KITLG: variants seen among roughly 807,000 people sequenced by gnomAD.
KITLG encodes KIT ligand.
KITLG carries 13 observed loss-of-function variants against 34.1 expected under a neutral mutation model. That is an observed-to-expected ratio of 0.38 (90% CI 0.25 to 0.61). The LOEUF (loss-of-function observed/expected upper bound fraction) is 0.61. KITLG is among the 20% of genes least tolerant of loss of function. The pLI is 0.60. For synonymous variants in KITLG, 110 were observed against 104.0 expected (o/e 1.06, Z -0.35); for missense variants, 292 against 318.9 (o/e 0.92, Z 0.64).
rs1592591287 is a variant in KITLG at position 88,574,298 on chromosome 12, A to G, written c.15+5966T>C. 2.6e-5 allele frequency among the ~76,000 whole-genome samples: 4 copies of G among 151,940 alleles called. No homozygotes were observed. The South Asian group carries it at 8.6e-4, about 33-fold the overall frequency. Reference sequence around the variant, plus strand: ...GCTTCTGACTGCTAAAAGAAAAAAAAAAAAAGAAAAAAAGAAAAGGGCTAC... The same window carrying G: ...GCTTCTGACTGCTAAAAGAAAAAAAGAAAAAGAAAAAAAGAAAAGGGCTAC... On this transcript the variant is annotated intron_variant, in intron 1 of 9. Coordinates refer to ENST00000644744, the MANE Select transcript of KITLG (RefSeq NM_000899.5).
At position 88,496,708 on chromosome 12, in the gene KITLG, C is replaced by G. The variant is rs1426630863; in HGVS notation, c.*511G>C. ...AGTTCCCACTGCTTTCTACACTGTA[C>G]AGTGGCTGACACTACTGAGTTTTAA... On this transcript the variant is annotated 3_prime_UTR_variant, in exon 10 of 10. Coordinates refer to ENST00000644744, the MANE Select transcript of KITLG (RefSeq NM_000899.5). 1 of 153,388 alleles carries G rather than the reference C, an allele frequency of 6.5e-6. No individual in the cohort carries two copies. The highest frequency in any genetic ancestry group is 2.4e-5 in the African/African-American group (1 of 41,454). 9.5% of individuals were successfully genotyped at this position (153,388 alleles called of 1,614,324 possible).
intron 1 of KITLG, among the ~76,000 whole-genome samples, chr12:88,554,295 T>A (rs1387615784): frequency 6.6e-6 from 1 of 152,198 alleles, no homozygotes; most frequent in Non-Finnish European, 1.5e-5. Flanking sequence ...AAAGCCTTTT[T>A]TTCTCTATGA....
chr12:88,565,560 A>T (rs1592587264), intron 1 of KITLG, among the ~76,000 whole-genome samples: 1 of 152,140 alleles, frequency 6.6e-6, no homozygotes, highest in African/African-American at 2.4e-5. Context: ...GGGAGGCGGA[A>T]GTTGCAGTGA....
At chr12:88,532,156 T>C (rs1243391962) in intron 3 of KITLG, among the ~76,000 whole-genome samples, 1 of 151,736 alleles carries the variant, frequency 6.6e-6, no homozygotes, top group Admixed American at 6.6e-5. Flanking sequence ...GTGGAGTGAG[T>C]GGGGAGGATG....
chr12:88,510,947 G>A (rs146286954), intron 6 of KITLG, among the ~76,000 whole-genome samples: 17 of 152,056 alleles, frequency 1.1e-4, no homozygotes, highest in Non-Finnish European at 1.9e-4. Context: ...TTTTATTTAC[G>A]TCTGTTTCTC....
chr12:88,540,455 T>C (rs1269546143), intron 2 of KITLG, among the ~76,000 whole-genome samples: 1 of 152,146 alleles, frequency 6.6e-6, no homozygotes, highest in African/African-American at 2.4e-5. Context: ...AGACAATCCA[T>C]GCAAAGTGTT....
At chr12:88,517,269 G>T (rs1037950949) in intron 4 of KITLG, among the ~76,000 whole-genome samples, 3 of 151,866 alleles carry the variant, frequency 2.0e-5, no homozygotes, top group Admixed American at 1.3e-4. Context: ...AAAATGGTAT[G>T]ATTAATTGAT....
chr12:88,560,967 C>CAAAA (rs34851499), intron 1 of KITLG, among the ~76,000 whole-genome samples: 474 of 57,702 alleles, frequency 8.2e-3, no homozygotes, highest in African/African-American at 0.016. Context: ...GACTCTGTCT[C>CAAAA]AAAAAAAAAA....
chr12:88,558,608 G>A (rs1871181288), intron 1 of KITLG, among the ~76,000 whole-genome samples: 1 of 152,178 alleles, frequency 6.6e-6, no homozygotes, highest in Non-Finnish European at 1.5e-5. Flanking sequence ...CACTGAAGGT[G>A]TTCCAACTGA....
intron 1 of KITLG, among the ~76,000 whole-genome samples, chr12:88,552,605 G>A (rs1238001688): frequency 6.6e-6 from 1 of 152,176 alleles, no homozygotes; most frequent in Non-Finnish European, 1.5e-5. Flanking sequence ...TGATGGTCAA[G>A]CTATTCCAAA....
chr12:88,511,779 A>G (rs1398255681), intron 6 of KITLG, among the ~76,000 whole-genome samples: 1 of 152,170 alleles, frequency 6.6e-6, no homozygotes, highest in Non-Finnish European at 1.5e-5. Flanking sequence ...AATATTGGAG[A>G]GATTTTCTGA....
rs746162770 is a variant in KITLG, at chr12:88,516,489, T to C, written c.365A>G (p.Asp122Gly). ...TGGGCTCTTGAATGATTTTTTTAGA[T>C]CCTAGAAGAAAAAATAGGATTACAT... Reference protein sequence around the residue: ...VECVKENSSKDLKKSFKSPEP... With the variant: ...VECVKENSSKGLKKSFKSPEP... The change falls in exon 5 of 10, where the codon GAT (aspartate) becomes GGT (glycine). Residue 122 changes from aspartate (D) to glycine (G), a missense_variant and splice_region_variant. By Grantham distance (94) the Asp-to-Gly change is moderately conservative. Around this residue, in one of 2 missense-constraint regions of KITLG, gnomAD observed 152 missense variants for 207.9 expected, o/e 0.73. Coordinates refer to ENST00000644744, the MANE Select transcript of KITLG (RefSeq NM_000899.5). The C allele has an allele frequency of 2.1e-5, 33 of 1,593,732 alleles. No homozygotes were observed. Among genetic ancestry groups the C allele is most frequent in the Non-Finnish European group, 2.8e-5 (33 of 1,168,972 alleles).
intron 1 of KITLG, among the ~76,000 whole-genome samples, chr12:88,577,216 T>C (rs986035232): frequency 1.3e-5 from 2 of 152,178 alleles, no homozygotes; most frequent in Non-Finnish European, 2.9e-5. Flanking sequence ...CATGACAAAC[T>C]TCATACAGAC....
intron 3 of KITLG, among the ~76,000 whole-genome samples, chr12:88,531,551 TTTC>T (rs1870091574): frequency 6.6e-6 from 1 of 152,156 alleles, no homozygotes; most frequent in Admixed American, 6.6e-5. Flanking sequence ...ATAATTAAAA[TTTC>T]TTGGTTTCAG....
At chr12:88,515,186 G>T (rs1487881855) in intron 6 of KITLG, among the ~76,000 whole-genome samples, 1 of 151,464 alleles carries the variant, frequency 6.6e-6, no homozygotes, top group Non-Finnish European at 1.5e-5. Context: ...TTAACAACCA[G>T]CATTTATACA....
At chr12:88,562,435 G>C (rs41303027) in intron 1 of KITLG, among the ~76,000 whole-genome samples, 1 of 152,208 alleles carries the variant, frequency 6.6e-6, no homozygotes, top group Admixed American at 6.5e-5. Context: ...TTGACTGTGA[G>C]CACCATAAGG....
chr12:88,517,478 A>C (rs1566021565), intron 4 of KITLG, among the ~76,000 whole-genome samples: 1 of 152,102 alleles, frequency 6.6e-6, no homozygotes, highest in East Asian at 1.9e-4. Context: ...GTTCCCACCA[A>C]AGTGCCATGA....
intron 1 of KITLG, among the ~76,000 whole-genome samples, chr12:88,569,455 G>T (rs1047721522): frequency 3.3e-5 from 5 of 152,136 alleles, no homozygotes; most frequent in African/African-American, 1.2e-4. Context: ...CTTTCTTTAA[G>T]AAAGGAGCCA....
rs1192909600 is a variant in KITLG at position 88,495,489 on chromosome 12, T to C, written c.*1730A>G. ...GCAGCTTCTCAAAGCACCTGGGTTATATCTTAGAGAAATTACTCATATTTA... is the reference window on the plus strand; with the variant it reads ...GCAGCTTCTCAAAGCACCTGGGTTACATCTTAGAGAAATTACTCATATTTA... On this transcript the variant is annotated 3_prime_UTR_variant, in exon 10 of 10. Coordinates refer to ENST00000644744, the MANE Select transcript of KITLG (RefSeq NM_000899.5). 1 of 152,518 alleles carries C rather than the reference T, an allele frequency of 6.6e-6. No individual in the cohort carries two copies. Among genetic ancestry groups the C allele is most frequent in the Non-Finnish European group, 1.5e-5 (1 of 67,990 alleles). 9.4% of individuals were successfully genotyped at this position (152,518 alleles called of 1,614,324 possible).
Sources: allele counts gnomAD v4.1 joint callset (sites outside exome capture counted in the v4.1 genomes callset), GRCh38; gene constraint gnomAD v4.1.1; regional missense constraint gnomAD v4.1.1; transcripts MANE v1.5; gene names NCBI Gene and HGNC (gene_info 2026-07-23, HGNC 2026-07-21).